NTRK1: variants seen among roughly 807,000 people sequenced by gnomAD.
NTRK1 encodes the protein neurotrophic receptor tyrosine kinase 1, also known as high affinity nerve growth factor receptor.
A neutral mutation model predicts 86.8 loss-of-function variants in NTRK1; 62 were observed. That is an observed-to-expected ratio of 0.71 (90% confidence interval 0.58 to 0.88). The LOEUF is 0.88. Ranked by LOEUF, NTRK1 falls within the 40% of genes least tolerant of loss-of-function variation. The pLI is 0.00. For synonymous variants in NTRK1, 469 were observed against 456.6 expected, an observed-to-expected ratio of 1.03 and a Z score of -0.35; for missense variants, 967 against 1,078.4, an observed-to-expected ratio of 0.90 and a Z score of 1.45.
chr1:156,851,921 T>C (rs760703268), intron 2 of NTRK1: 6 of 1,596,210 alleles, frequency 3.8e-6, no homozygotes, highest in Non-Finnish European at 5.1e-6. Flanking sequence ...AGAAGGGCAC[T>C]GGGCCAGGCA....
chr1:156,852,041 G>A (rs200640505), intron 2 of NTRK1: 40 of 1,613,484 alleles, frequency 2.5e-5, no homozygotes, highest in Admixed American at 1.2e-4. Context: ...GGTGCCTGGC[G>A]GGCAGGCCCA....
chr1:156,816,353 C>T (rs145814917), intron 1 of NTRK1, among the ~76,000 whole-genome samples: 174 of 152,298 alleles, frequency 1.1e-3, no homozygotes, highest in South Asian at 3.1e-3. Context: ...GGCTGGCCTT[C>T]GGATGGTCAG....
intron 2 of NTRK1, among the ~76,000 whole-genome samples, chr1:156,850,917 T>C (rs1193265520): frequency 1.3e-5 from 2 of 152,162 alleles, no homozygotes; most frequent in Non-Finnish European, 2.9e-5. Context: ...TGGCAGATGA[T>C]AGGAATGGGT....
chr1:156,842,593 G>T, intron 2 of NTRK1: 10 of 984,992 alleles, frequency 1.0e-5, no homozygotes, highest in Non-Finnish European at 1.4e-5. Flanking sequence ...ACCACAGTCT[G>T]ACTCAGACAC....
intron 8 of NTRK1, 139 bp from the exon 9 acceptor site, chr1:156,874,244 C>T (rs749580798): frequency 8.1e-5 from 107 of 1,322,036 alleles, no homozygotes; most frequent in Middle Eastern, 7.3e-4. Context: ...TTCCTTGAGG[C>T]CCAGCAGCCC....
chr1:156,859,867 GACGGATGGGTTAGTGCAGCC>G (rs1339965767), upstream of NTRK1, among the ~76,000 whole-genome samples: 16 of 152,256 alleles, frequency 1.1e-4, no homozygotes, highest in East Asian at 2.5e-3. The surrounding 1 kb of genome is among the most constrained non-coding windows in gnomAD (Gnocchi z 6.2). Flanking sequence ...CCCAGCTTGA[GACGGATGGGTTAGTGCAGCC>G]ACGGAGGCTT....
At position 156,846,010 on chromosome 1, in the gene NTRK1, C is replaced by T. The variant is rs201446127; in HGVS notation, c.50+3817C>T. 5.0e-6 allele frequency: 8 copies of T among 1,614,162 alleles called. No individual in the cohort carries two copies. In the African/African-American group the frequency reaches 6.7e-5, roughly 13 times the overall value. ...CGTCCTCTGCCAGCCGCTGCCACAGCACCAGGTAGTAGGTGAGGTTCCCAT... is the reference window on the plus strand; with the variant it reads ...CGTCCTCTGCCAGCCGCTGCCACAGTACCAGGTAGTAGGTGAGGTTCCCAT... On this transcript the variant is annotated intron_variant, in intron 2 of 16. Transcript: ENST00000392302.
rs370514699 is a variant in NTRK1 at position 156,849,213 on chromosome 1, G to A, written c.50+7020G>A. 217 of 1,609,448 alleles carry A rather than the reference G, an allele frequency of 1.3e-4. 1 individual carries two copies. The highest frequency in any genetic ancestry group is 1.6e-4 in the Non-Finnish European group (190 of 1,177,730). ...GGGTGTGCGTGTCTAGTGTGTGGCC[G>A]CGTGTCCACCGGCACTGGGGTTGGG... is the stretch of plus-strand genomic sequence containing the variant. On this transcript the variant is annotated intron_variant, in intron 2 of 16. Coordinates refer to the NTRK1 transcript ENST00000392302.
Position 156,879,206 on chromosome 1 carries a change from G to A in NTRK1, c.1890G>A (p.Val630=). Residue 630 remains valine (V), a synonymous_variant, in exon 15 of 17, where the codon GTG becomes GTA. Coordinates refer to ENST00000524377, the MANE Select transcript of NTRK1 (RefSeq NM_002529.4). ...GPLGLGQLLA[V]ASQVAAGMVY... ...TGGGTCTGGGGCAGCTGCTGGCCGTGGCTAGCCAGGTCGCTGCGGGGATGG... is the reference window on the plus strand; with the variant it reads ...TGGGTCTGGGGCAGCTGCTGGCCGTAGCTAGCCAGGTCGCTGCGGGGATGG... 1 of 1,613,988 alleles carries A rather than the reference G, an allele frequency of 6.2e-7. No homozygotes were observed. Among genetic ancestry groups the A allele is most frequent in the East Asian group, 2.2e-5 (1 of 44,874 alleles).
intron 1 of NTRK1, among the ~76,000 whole-genome samples, chr1:156,823,262 G>A (rs575368511): frequency 7.9e-5 from 12 of 152,124 alleles, no homozygotes; most frequent in Non-Finnish European, 1.5e-4. Flanking sequence ...AATATTGTGC[G>A]CACACCACCA....
chr1:156,830,550 CTTTTTTTT>C (rs5778003), intron 1 of NTRK1, among the ~76,000 whole-genome samples: 28 of 105,372 alleles, frequency 2.7e-4, no homozygotes, highest in Admixed American at 3.8e-4. Flanking sequence ...TTGTGGGATT[CTTTTTTTT>C]TTTTTTTTTT....
chr1:156,852,270 T>C (rs1655243327), intron 2 of NTRK1: 1 of 1,406,170 alleles, frequency 7.1e-7, no homozygotes, highest in East Asian at 2.4e-5. Flanking sequence ...CCCCACCCTG[T>C]TTCTCTTGGG....
intron 1 of NTRK1, among the ~76,000 whole-genome samples, chr1:156,825,952 A>C (rs1438109097): frequency 6.6e-6 from 1 of 152,200 alleles, no homozygotes; most frequent in Non-Finnish European, 1.5e-5. Context: ...AGGTTAAATG[A>C]CTTGCCCAGG....
rs1411172410 is a variant in NTRK1, at chr1:156,868,625, T to G, written c.695T>G (p.Leu232Arg). The G allele has an allele frequency of 6.4e-7, 1 of 1,550,772 alleles. No homozygotes were observed. The highest frequency in any genetic ancestry group is 1.4e-5 in the African/African-American group (1 of 73,008). ...LEQAGWILTE[L>R]EQSATVMKSG... is the part of the protein sequence containing the mutation. ...CAGGCCGGCTGGATCCTCACAGAGC[T>G]GGAGCAGTCAGCCACGGTGATGGTG... The change falls in exon 6 of 17, where the codon CTG becomes CGG. Residue 232 changes from leucine to arginine, a missense_variant. Coordinates refer to ENST00000524377, the MANE Select transcript of NTRK1 (RefSeq NM_002529.4).
chr1:156,842,118 T>C, exon 2 of NTRK1: 1 of 1,613,894 alleles, frequency 6.2e-7, no homozygotes, highest in Non-Finnish European at 8.5e-7. Flanking sequence ...GTACCCCCGA[T>C]CTTGACGGTG....
chr1:156,833,000 G>C (rs1654502780), intron 1 of NTRK1, among the ~76,000 whole-genome samples: 1 of 152,184 alleles, frequency 6.6e-6, no homozygotes, highest in African/African-American at 2.4e-5. Flanking sequence ...AACACATTTT[G>C]GTGCTGGGGC....
At chr1:156,821,292 T>C (rs1654182148) in intron 1 of NTRK1, among the ~76,000 whole-genome samples, 1 of 152,224 alleles carries the variant, frequency 6.6e-6, no homozygotes, top group African/African-American at 2.4e-5. Flanking sequence ...CAGCAATAGT[T>C]TGACATCCAG....
chr1:156,861,771 C>G (rs1655663487), intron 1 of NTRK1, among the ~76,000 whole-genome samples: 1 of 152,198 alleles, frequency 6.6e-6, no homozygotes, highest in Non-Finnish European at 1.5e-5. Flanking sequence ...ACTCCCATCT[C>G]CCTCTCCAAC....
At chr1:156,851,653 G>A (rs1655213364) in intron 2 of NTRK1, 12 of 1,614,198 alleles carry the variant, frequency 7.4e-6, no homozygotes, top group Non-Finnish European at 1.0e-5. Flanking sequence ...GACAGCCCTG[G>A]CGAAGGTTGA....
Sources: allele counts gnomAD v4.1 joint callset (sites outside exome capture counted in the v4.1 genomes callset), GRCh38; gene constraint gnomAD v4.1.1; non-coding constraint Gnocchi (gnomAD v3.1); transcripts MANE v1.5; gene names NCBI Gene and HGNC (gene_info 2026-07-23, HGNC 2026-07-21).